DIAPH1: variants seen among roughly 807,000 people sequenced by gnomAD.
DIAPH1 encodes diaphanous related formin 1, also known as protein diaphanous homolog 1.
DIAPH1 carries 46 observed loss-of-function variants against 140.7 expected under a neutral mutation model. That is an observed-to-expected ratio of 0.33 (90% confidence interval 0.26 to 0.42). The LOEUF is 0.42. Ranked by LOEUF, DIAPH1 falls within the 10% of genes least tolerant of loss-of-function variation. The pLI, the probability that DIAPH1 is intolerant of heterozygous loss-of-function variation, is 1.00. For missense variants in DIAPH1, 1,310 were observed against 1,558.7 expected (o/e 0.84, Z 2.69); for synonymous variants, 565 against 551.6 (o/e 1.02, Z -0.34).
chr5:141,529,339 T>G (rs2099887856), intron 20 of DIAPH1, 66 bp from the exon 21 acceptor site: 41 of 1,301,926 alleles, frequency 3.1e-5, no homozygotes, highest in Non-Finnish European at 4.3e-5. Context: ...TAAACAACTT[T>G]TACTCTGTTG....
chr5:141,560,843 G>A (rs2154595956), intron 18 of DIAPH1: 2 of 456,204 alleles, frequency 4.4e-6, no homozygotes, highest in African/African-American at 2.0e-5. Context: ...CCCCCAGCCT[G>A]AGCCTGCAGA....
intron 1 of DIAPH1, among the ~76,000 whole-genome samples, chr5:141,588,518 C>T (rs2099897888): frequency 1.3e-5 from 2 of 151,162 alleles, no homozygotes; most frequent in South Asian, 4.2e-4. Flanking sequence ...GAACAGAATC[C>T]GAATCTGATG....
At chr5:141,541,696 AAAAAG>A (rs1421798355) in intron 18 of DIAPH1, among the ~76,000 whole-genome samples, 2 of 151,588 alleles carry the variant, frequency 1.3e-5, no homozygotes, top group Admixed American at 1.3e-4. Flanking sequence ...AAAAAAAAAA[AAAAAG>A]AAAGAAAAAG....
rs1274531664 is a variant in DIAPH1 at position 141,515,445 on chromosome 5, T to C, written c.*1406A>G. On this transcript the variant is annotated 3_prime_UTR_variant, in exon 28 of 28. Coordinates refer to ENST00000389054, the MANE Select transcript of DIAPH1 (RefSeq NM_005219.5). Reference sequence around the variant, plus strand: ...GCCCAAGAGTGCCATTCTTTCTTCCTAGCTGGGGATGGAAAGCTGAGAGGG... The same window carrying C: ...GCCCAAGAGTGCCATTCTTTCTTCCCAGCTGGGGATGGAAAGCTGAGAGGG... The C allele has an allele frequency of 6.6e-6, 1 of 152,254 alleles. No homozygotes were observed. The highest frequency in any genetic ancestry group is 2.4e-5 in the African/African-American group (1 of 41,460). 9.4% of individuals were successfully genotyped at this position (152,254 alleles called of 1,614,324 possible).
chr5:141,578,182 A>G (rs2154596431), intron 11 of DIAPH1, 43 bp downstream of exon 11: 5 of 1,412,272 alleles, frequency 3.5e-6, no homozygotes, highest in Non-Finnish European at 4.0e-6. Flanking sequence ...ACTAAATACA[A>G]TGAATGTCTC....
chr5:141,529,476 A>G, intron 20 of DIAPH1, 127 bp downstream of exon 20: 1 of 987,202 alleles, frequency 1.0e-6, no homozygotes, highest in Non-Finnish European at 1.6e-6. Flanking sequence ...GAGAAAAGGC[A>G]GTTTCTCAAA....
chr5:141,569,005 T>A (rs756070465), intron 18 of DIAPH1, among the ~76,000 whole-genome samples: 17 of 152,116 alleles, frequency 1.1e-4, no homozygotes, highest in Admixed American at 3.3e-4. Context: ...ACCCTAAATA[T>A]CTAGTATCTC....
intron 18 of DIAPH1, among the ~76,000 whole-genome samples, chr5:141,538,224 C>A (rs957792193): frequency 1.7e-4 from 26 of 150,810 alleles, no homozygotes; most frequent in African/African-American, 6.4e-4. Context: ...CCACACTTGG[C>A]TAATTTTTTG....
intron 27 of DIAPH1, among the ~76,000 whole-genome samples, chr5:141,523,898 G>C (rs1425014093): frequency 1.3e-5 from 2 of 151,660 alleles, no homozygotes; most frequent in East Asian, 3.9e-4. Flanking sequence ...CCAAATATCT[G>C]CTTCAAGAGT....
In DIAPH1 at chr5:141,578,630, A is replaced by G. The variant is rs2099896297; in HGVS notation, c.934-5T>C. 1 of 1,610,260 alleles carries G rather than the reference A, an allele frequency of 6.2e-7. No homozygotes were observed. The highest frequency in any genetic ancestry group is 8.5e-7 in the Non-Finnish European group (1 of 1,177,742). Reference sequence around the variant, plus strand: ...GATCAGCTGTAGGCATCCAACCTAAAATAAGAAAATTCAGCAGCTATGTCA... The same window carrying G: ...GATCAGCTGTAGGCATCCAACCTAAGATAAGAAAATTCAGCAGCTATGTCA... On this transcript the variant is annotated splice_region_variant and splice_polypyrimidine_tract_variant and intron_variant, in intron 9 of 27. Coordinates refer to ENST00000389054, the MANE Select transcript of DIAPH1 (RefSeq NM_005219.5).
At position 141,524,150 on chromosome 5, in the gene DIAPH1, G is replaced by T; in HGVS notation, c.3654C>A (p.Pro1218=). The change falls in exon 27 of 28, where the codon CCC becomes CCA. Residue 1218 remains proline (P), a synonymous_variant. Coordinates refer to ENST00000389054, the MANE Select transcript of DIAPH1 (RefSeq NM_005219.5). ...SGAAFRRKRG[P]RQANRKAGCA... ...CTCCATGTGCTTACTTACCTTGACGGGGCCCTCTCTTCCGTCGGAATGCTG... is the reference window on the plus strand; with the variant it reads ...CTCCATGTGCTTACTTACCTTGACGTGGCCCTCTCTTCCGTCGGAATGCTG... The T allele has an allele frequency of 6.2e-7, 1 of 1,614,026 alleles. No homozygotes were observed.
chr5:141,576,243 T>A lies in DIAPH1; in HGVS notation c.1448A>T (p.Glu483Val). The A allele has an allele frequency of 6.2e-7, 1 of 1,613,704 alleles. No individual in the cohort carries two copies. Among genetic ancestry groups the A allele is most frequent in the Non-Finnish European group, 8.5e-7 (1 of 1,179,558 alleles). The part of the protein sequence containing the change: ...KVEKSEAKAA[E>V]LEKKLDSELT... ...TCTCATATGCACCTTCTTTTCCAGC[T>A]CTGCAGCTTTGGCTTCAGATTTCTC... The change falls in exon 14 of 28, where the codon GAG becomes GTG. Residue 483 changes from glutamate to valine, a missense_variant. Physicochemically the swap from Glu to Val is moderately radical, Grantham distance 121. Coordinates refer to ENST00000389054, the MANE Select transcript of DIAPH1 (RefSeq NM_005219.5).
intron 18 of DIAPH1, chr5:141,563,807 AT>A (rs2099893954): frequency 6.6e-6 from 1 of 152,250 alleles, no homozygotes; most frequent in South Asian, 2.1e-4. Flanking sequence ...AGGAGTTAAC[AT>A]ATGACACAAA....
In DIAPH1 at chr5:141,574,184, C is replaced by T; in HGVS notation, c.1666G>A (p.Glu556Lys). ...GAAGCCATTTCTTTCTTGGCATCTTCCAGTTCCTTTGTCAGCTTGGCAACC... is the reference window on the plus strand; with the variant it reads ...GAAGCCATTTCTTTCTTGGCATCTTTCAGTTCCTTTGTCAGCTTGGCAACC... ...GEVAKLTKEL[E>K]DAKKEMASLS... The change falls in exon 16 of 28, where the codon GAA (glutamate) becomes AAA (lysine). Residue 556 changes from glutamate (E) to lysine (K), a missense_variant. Coordinates refer to ENST00000389054, the MANE Select transcript of DIAPH1 (RefSeq NM_005219.5). The T allele has an allele frequency of 6.2e-7, 1 of 1,614,106 alleles. No individual in the cohort carries two copies. The highest frequency in any genetic ancestry group is 1.1e-5 in the South Asian group (1 of 91,078).
intron 23 of DIAPH1, 25 bp from the exon 24 acceptor site, chr5:141,527,722 A>C (rs1475204036): frequency 1.7e-5 from 26 of 1,523,584 alleles, no homozygotes; most frequent in South Asian, 8.6e-5. Context: ...AAAAAAAAAA[A>C]CCATAAAAAC....
chr5:141,540,912 T>A (rs1003781728), intron 18 of DIAPH1, among the ~76,000 whole-genome samples: 3 of 151,748 alleles, frequency 2.0e-5, no homozygotes, highest in Non-Finnish European at 4.4e-5. Flanking sequence ...TACAAAAAAT[T>A]AGCCTGGTGT....
In DIAPH1 at chr5:141,516,045, A is replaced by G. The variant is rs1010210690; in HGVS notation, c.*806T>C. 6.5e-6 allele frequency: 1 copy of G among 153,584 alleles called. No homozygotes were observed. Among genetic ancestry groups the G allele is most frequent in the Non-Finnish European group, 1.4e-5 (1 of 69,010 alleles). 9.5% of individuals were successfully genotyped at this position (153,584 alleles called of 1,614,324 possible). On this transcript the variant is annotated 3_prime_UTR_variant, in exon 28 of 28. Transcript: ENST00000389054. ...GGTCACAGTACAACCCATAGTCCAG[A>G]TGAGATGCACCAAAGCTCAGGGAAG...
intron 27 of DIAPH1, among the ~76,000 whole-genome samples, chr5:141,522,578 C>CAA (rs5871776): frequency 0.09 from 7,994 of 88,856 alleles, 398 homozygotes; most frequent in South Asian, 0.18. Context: ...CCGACGGGGT[C>CAA]AAAAAAAAAA....
rs776433495 is a variant in DIAPH1, at chr5:141,584,247, G to GA, written c.301-23dup. The GA allele has an allele frequency of 5.0e-5, 73 of 1,467,122 alleles. 1 individual carries two copies. In the South Asian group the frequency reaches 7.9e-4, roughly 16 times the overall value. The allele number at this position is 1,467,122 out of a possible 1,614,324, so 90.9% of individuals were successfully genotyped here. On this transcript the variant is annotated intron_variant, in intron 3 of 27. Transcript: ENST00000389054. ...CCAGCTAGGAGAGGGAGAAAAAAGA[G>GA]AAAAAACAAAATTGCCTCAAATTCT...
Sources: allele counts gnomAD v4.1 joint callset (sites outside exome capture counted in the v4.1 genomes callset), GRCh38; gene constraint gnomAD v4.1.1; transcripts MANE v1.5; gene names NCBI Gene and HGNC (gene_info 2026-07-23, HGNC 2026-07-21).